Variants in PEX10 observed in about 807,000 individuals in gnomAD.
PEX10 encodes the protein peroxisomal biogenesis factor 10.
A neutral mutation model predicts 38.0 loss-of-function variants in PEX10; 32 were observed. That is an observed-to-expected ratio of 0.84 (90% CI 0.63 to 1.13). The LOEUF (loss-of-function observed/expected upper bound fraction) is 1.13. Ranked by LOEUF, PEX10 falls within the 50% of genes most tolerant of loss-of-function variation. The pLI is 0.00. For synonymous variants in PEX10, 206 were observed against 207.3 expected (o/e 0.99, Z 0.05); for missense variants, 483 against 457.7 (o/e 1.06, Z -0.51).
chr1:2,405,285 G>A lies in PEX10; in HGVS notation c.*481C>T, dbSNP rs1642961563. On this transcript the variant is annotated 3_prime_UTR_variant, in exon 6 of 6. Transcript: ENST00000447513. Reference sequence around the variant, plus strand: ...GCAGCGCCGCCTCCCATGGGGCCGTGGGGCTGCTGTTCTCACTGCACTGGC... The same window carrying A: ...GCAGCGCCGCCTCCCATGGGGCCGTAGGGCTGCTGTTCTCACTGCACTGGC... 3.4e-6 allele frequency: 1 copy of A among 292,180 alleles called. No homozygotes were observed. Among genetic ancestry groups the A allele is most frequent in the African/African-American group, 2.2e-5 (1 of 45,180 alleles). 18.1% of individuals were successfully genotyped at this position (292,180 alleles called of 1,614,324 possible). A position where few individuals can be genotyped will look rare whatever the true frequency, so the allele number is the denominator to read the frequency against.
At chr1:2,407,010 CTGGCA>C (rs1241823818) in intron 3 of PEX10, 115 bp from the exon 4 acceptor site, 3 of 1,428,012 alleles carry the variant, frequency 2.1e-6, no homozygotes, top group Non-Finnish European at 2.9e-6. Flanking sequence ...AGGCCTCTCA[CTGGCA>C]TGGGGAGTGC....
chr1:2,412,309 C>G, intron 1 of PEX10, 82 bp downstream of exon 1: 2 of 1,277,246 alleles, frequency 1.6e-6, no homozygotes, highest in Non-Finnish European at 2.0e-6. Flanking sequence ...ACCGTGACCA[C>G]ACACGGCAGA....
In PEX10 at chr1:2,405,261, C is replaced by A; in HGVS notation, c.*505G>T. Reference sequence around the variant, plus strand: ...TCTGCCCAGCCGCCCTCGGGGAGAGCAGCGCCGCCTCCCATGGGGCCGTGG... The same window carrying A: ...TCTGCCCAGCCGCCCTCGGGGAGAGAAGCGCCGCCTCCCATGGGGCCGTGG... On this transcript the variant is annotated 3_prime_UTR_variant, in exon 6 of 6. Coordinates refer to ENST00000447513, the MANE Select transcript of PEX10 (RefSeq NM_002617.4). 1 of 279,676 alleles carries A rather than the reference C, an allele frequency of 3.6e-6. No individual in the cohort carries two copies. The highest frequency in any genetic ancestry group is 3.4e-5 in the South Asian group (1 of 29,078). 17.3% of individuals were successfully genotyped at this position (279,676 alleles called of 1,614,324 possible). A position where few individuals can be genotyped will look rare whatever the true frequency, so the allele number is the denominator to read the frequency against.
chr1:2,405,745 C>T lies in PEX10; in HGVS notation c.*21G>A, dbSNP rs764599567. 1 of 1,589,038 alleles carries T rather than the reference C, an allele frequency of 6.3e-7. No homozygotes were observed. The highest frequency in any genetic ancestry group is 1.3e-5 in the African/African-American group (1 of 74,362). ...GACTCCCGTAGAGGTCATCTGTGTC[C>T]AGGCCCACCCGGGCGCCGGCTCAGC... On this transcript the variant is annotated 3_prime_UTR_variant, in exon 6 of 6. Coordinates refer to ENST00000447513, the MANE Select transcript of PEX10 (RefSeq NM_002617.4).
At chr1:2,405,920 C>A in intron 5 of PEX10, 86 bp from the exon 6 acceptor site, 1 of 1,014,632 alleles carries the variant, frequency 9.9e-7, no homozygotes, top group South Asian at 1.4e-5. Flanking sequence ...TGTCCACATT[C>A]TCTGCACATG....
Position 2,412,490 on chromosome 1 carries a change from CGGCCGGGGCCAT to C in PEX10, c.1_12del (p.MetAlaProAla1_?4). 7.3e-7 allele frequency: 1 copy of C among 1,372,298 alleles called. No homozygotes were observed. Among genetic ancestry groups the C allele is most frequent in the Non-Finnish European group, 9.4e-7 (1 of 1,065,220 alleles). 85.0% of individuals were successfully genotyped at this position (1,372,298 alleles called of 1,614,324 possible). A position where few individuals can be genotyped will look rare whatever the true frequency, so the allele number is the denominator to read the frequency against. On this transcript the variant is annotated start_lost and inframe_deletion, in exon 1 of 6. Transcript: ENST00000447513. ...CGGATCACCTCCGGGGGGCTGGCGG[CGGCCGGGGCCAT>C]GGCCGCGGGTTCGGGTGGTCCCGAG...
At position 2,410,377 on chromosome 1, in the gene PEX10, G is replaced by C. The variant is rs772275107; in HGVS notation, c.187C>G (p.Leu63Val). Residue 63 changes from leucine to valine, a missense_variant, in exon 2 of 6, where the codon CTT (leucine) becomes GTT (valine). Coordinates refer to ENST00000447513, the MANE Select transcript of PEX10 (RefSeq NM_002617.4). The surrounding 1 kb of genome is among the most constrained non-coding windows in gnomAD (Gnocchi z 5.1). ...GTCCCGTGGGAGCTTCTACCTGCAA[G>C]TGTGGTGAGGCCAAAGTAGGCCACA... is the stretch of plus-strand genomic sequence containing the variant. The part of the protein sequence containing the change: ...SDVAYFGLTT[L>V]AGYQTLGEEY... 1 of 1,613,820 alleles carries C rather than the reference G, an allele frequency of 6.2e-7. No homozygotes were observed. The highest frequency in any genetic ancestry group is 8.5e-7 in the Non-Finnish European group (1 of 1,179,812).
At chr1:2,412,822 C>G (rs1557915621), upstream of PEX10, among the ~76,000 whole-genome samples, 1 of 152,102 alleles carries the variant, frequency 6.6e-6, no homozygotes, top group Non-Finnish European at 1.5e-5. Context: ...GGGATGGGCT[C>G]GCGGCCGCGT....
rs1024665976 is a variant in PEX10 at position 2,409,386 on chromosome 1, G to A, written c.194-528C>T. On this transcript the variant is annotated intron_variant, in intron 2 of 5. Coordinates refer to ENST00000447513, the MANE Select transcript of PEX10 (RefSeq NM_002617.4). The surrounding 1 kb of genome is among the most constrained non-coding windows in gnomAD (Gnocchi z 6.2). ...GCTTTCAGCGCCCCCACCCAGAAAAGCCTGCTCCCCGTTTCCATCTCTGTG... is the reference window on the plus strand; with the variant it reads ...GCTTTCAGCGCCCCCACCCAGAAAAACCTGCTCCCCGTTTCCATCTCTGTG... Among the ~76,000 whole-genome samples, 1 of 152,062 alleles carries A rather than the reference G, an allele frequency of 6.6e-6. No individual in the cohort carries two copies. The highest frequency in any genetic ancestry group is 2.4e-5 in the African/African-American group (1 of 41,366).
At chr1:2,412,697 A>C, upstream of PEX10, 1 of 371,826 alleles carries the variant, frequency 2.7e-6, no homozygotes. Flanking sequence ...GAACCAGCGC[A>C]GCGCGGGGCG....
Position 2,408,939 on chromosome 1 carries a change from T to A in PEX10, c.194-81A>T. 11 of 1,396,580 alleles carry A rather than the reference T, an allele frequency of 7.9e-6. No individual in the cohort carries two copies. In the South Asian group the frequency reaches 1.3e-4, roughly 17 times the overall value. 86.5% of individuals were successfully genotyped at this position (1,396,580 alleles called of 1,614,324 possible). A position where few individuals can be genotyped will look rare whatever the true frequency, so the allele number is the denominator to read the frequency against. ...TCCCGGCGCCCCTGCCAGCCGACCC[T>A]CTGCTGGCTCCTGTCAACAGCCCCA... On this transcript the variant is annotated intron_variant, in intron 2 of 5. Transcript: ENST00000447513.
At chr1:2,412,676 G>A, upstream of PEX10, 1 of 426,192 alleles carries the variant, frequency 2.3e-6, no homozygotes, top group Non-Finnish European at 3.9e-6. Context: ...GCGGAAGCGG[G>A]GCTGGAGTCC....
rs1480328140 is a variant in PEX10, at chr1:2,406,853, C to T, written c.643G>A (p.Val215Ile). ...SLPGEDLRARVSYRLLGVISL... is the reference protein window; with the variant it reads ...SLPGEDLRARISYRLLGVISL... ...ATGACCCCCAGCAGCCTGTAGCTAACACGGGCCCTCAGGTCCTCTCCGGGC... is the reference window on the plus strand; with the variant it reads ...ATGACCCCCAGCAGCCTGTAGCTAATACGGGCCCTCAGGTCCTCTCCGGGC... Residue 215 changes from valine (V) to isoleucine (I), a missense_variant, in exon 4 of 6, where the codon GTT becomes ATT. By Grantham distance (29) the Val-to-Ile change is conservative. Coordinates refer to ENST00000447513, the MANE Select transcript of PEX10 (RefSeq NM_002617.4). The T allele has an allele frequency of 2.5e-6, 4 of 1,609,832 alleles. No individual in the cohort carries two copies. The highest frequency in any genetic ancestry group is 3.4e-6 in the Non-Finnish European group (4 of 1,178,486).
In PEX10 at chr1:2,410,401, C is replaced by T. The variant is rs1254662517; in HGVS notation, c.163G>A (p.Val55Met). The stretch of plus-strand genomic sequence containing the variant: ...AGTGTGGTGAGGCCAAAGTAGGCCA[C>T]ATCTGAGAGCAGCTCAACCTCCTTC... ...WRKEVELLSD[V>M]AYFGLTTLAG... Residue 55 changes from valine to methionine, a missense_variant, in exon 2 of 6, where the codon GTG becomes ATG. By Grantham distance (21) the Val-to-Met change is conservative. Coordinates refer to ENST00000447513, the MANE Select transcript of PEX10 (RefSeq NM_002617.4). The surrounding 1 kb of genome is among the most constrained non-coding windows in gnomAD (Gnocchi z 5.1). 3.7e-6 allele frequency: 6 copies of T among 1,614,026 alleles called. No individual in the cohort carries two copies. The highest frequency in any genetic ancestry group is 3.3e-4 in the Middle Eastern group (2 of 6,084).
chr1:2,405,540 T>C lies in PEX10; in HGVS notation c.*226A>G, dbSNP rs1464357911. The C allele has an allele frequency of 1.5e-6, 1 of 649,878 alleles. No homozygotes were observed. The highest frequency in any genetic ancestry group is 1.8e-5 in the African/African-American group (1 of 55,782). The allele number at this position is 649,878 out of a possible 1,614,324, so 40.3% of individuals were successfully genotyped here. ...GAAGAAGTGGCTGAGTCCTACCAGG[T>C]TGGGGTTAGGGAAATGTTCTGGGTT... is the stretch of plus-strand genomic sequence containing the variant. On this transcript the variant is annotated 3_prime_UTR_variant, in exon 6 of 6. Transcript: ENST00000447513.
In PEX10 at chr1:2,410,265, G is replaced by T; in HGVS notation, c.193+106C>A. On this transcript the variant is annotated intron_variant, in intron 2 of 5. Transcript: ENST00000447513. The surrounding 1 kb of genome is among the most constrained non-coding windows in gnomAD (Gnocchi z 5.1). ...ACTTCCCTGAAGCAACCTCACCCGG[G>T]CCAGCTCCAGGAGCTTCTCACACTG... 2.0e-6 allele frequency: 2 copies of T among 981,812 alleles called. No individual in the cohort carries two copies. The highest frequency in any genetic ancestry group is 3.2e-6 in the Non-Finnish European group (2 of 618,624). The allele number at this position is 981,812 out of a possible 1,614,324, so 60.8% of individuals were successfully genotyped here.
chr1:2,408,588 T>C lies in PEX10; in HGVS notation c.464A>G (p.Gln155Arg), dbSNP rs1353676867. The change falls in exon 3 of 6, where the codon CAG (glutamine) becomes CGG (arginine). Residue 155 changes from glutamine (Q) to arginine (R), a missense_variant. Coordinates refer to ENST00000447513, the MANE Select transcript of PEX10 (RefSeq NM_002617.4). The part of the protein sequence containing the change: ...MRHHTATLTE[Q>R]QRRALLRAVF... ...CGCCCGCAGCAGCGCCCTCCTCTGC[T>C]GCTCAGTCAGGGTGGCCGTGTGGTG... 1.2e-6 allele frequency: 2 copies of C among 1,611,832 alleles called. No individual in the cohort carries two copies. Among genetic ancestry groups the C allele is most frequent in the African/African-American group, 2.7e-5 (2 of 74,946 alleles).
In PEX10 at chr1:2,405,768, A is replaced by G. The variant is rs779199089; in HGVS notation, c.979T>C (p.Ter327ArgextTer21). The change falls in exon 6 of 6, where the codon TGA becomes CGA. Residue 327 changes from the stop codon to arginine (R), a stop_lost. Transcript: ENST00000447513. ...TCCAGGCCCACCCGGGCGCCGGCTC[A>G]GCGGTAGTGCCGAAGGTAGATGAGC... is the stretch of plus-strand genomic sequence containing the variant. Reference protein sequence around the residue: ...QKLIYLRHYR* With the variant: ...QKLIYLRHYRR 24 of 1,601,542 alleles carry G rather than the reference A, an allele frequency of 1.5e-5. No homozygotes were observed. Among genetic ancestry groups the G allele is most frequent in the Non-Finnish European group, 1.9e-5 (22 of 1,174,466 alleles).
In PEX10 at chr1:2,408,476, G is replaced by C. The variant is rs376805362; in HGVS notation, c.576C>G (p.Ala192=). ...FYIHGVFYHL[A]KRLTGITYLR... ...CGTACGTGATCCCCGTGAGCCTCTTGGCCAGGTGGTAGAAGACACCGTGGA... is the reference window on the plus strand; with the variant it reads ...CGTACGTGATCCCCGTGAGCCTCTTCGCCAGGTGGTAGAAGACACCGTGGA... Residue 192 remains alanine (A), a synonymous_variant, in exon 3 of 6, where the codon GCC becomes GCG. Transcript: ENST00000447513. 49 of 1,612,860 alleles carry C rather than the reference G, an allele frequency of 3.0e-5. No homozygotes were observed. The South Asian group carries it at 5.4e-4, about 18-fold the overall frequency.
Sources: allele counts gnomAD v4.1 joint callset (sites outside exome capture counted in the v4.1 genomes callset), GRCh38; gene constraint gnomAD v4.1.1; non-coding constraint Gnocchi (gnomAD v3.1); transcripts MANE v1.5; gene names NCBI Gene and HGNC (gene_info 2026-07-23, HGNC 2026-07-21).